The following XKR6 variants were observed in gnomAD, a reference collection of about 807,000 sequenced individuals.
XKR6 encodes the protein XK related 6.
XKR6 carries 22 observed loss-of-function variants against 56.7 expected under a neutral mutation model. That is an observed-to-expected ratio of 0.39 (90% CI 0.28 to 0.55). The LOEUF (loss-of-function observed/expected upper bound fraction) is 0.55. XKR6 is among the 20% of genes least tolerant of loss of function. The pLI, the probability that XKR6 is intolerant of heterozygous loss-of-function variation, is 0.66. For synonymous variants in XKR6, 524 were observed against 387.8 expected (o/e 1.35, Z -4.13); for missense variants, 852 against 889.0 (o/e 0.96, Z 0.53).
At chr8:10,944,824 G>A (rs867126467) in intron 1 of XKR6, among the ~76,000 whole-genome samples, 2 of 152,210 alleles carry the variant, frequency 1.3e-5, no homozygotes, top group African/African-American at 2.4e-5. Flanking sequence ...TGAAATCAGA[G>A]CTATTTTTAG....
chr8:11,151,398 C>A (rs1801262047), intron 1 of XKR6, among the ~76,000 whole-genome samples: 1 of 152,144 alleles, frequency 6.6e-6, no homozygotes, highest in Non-Finnish European at 1.5e-5. Context: ...TGTAGGACTG[C>A]AGAAAATTGA....
intron 1 of XKR6, among the ~76,000 whole-genome samples, chr8:10,947,299 G>T (rs539036915): frequency 9.8e-5 from 15 of 152,324 alleles, no homozygotes; most frequent in Admixed American, 4.6e-4. Flanking sequence ...CCGAAAAGGA[G>T]AGCAAAGGTT....
intron 1 of XKR6, among the ~76,000 whole-genome samples, chr8:11,141,605 G>C (rs1166851322): frequency 1.3e-5 from 2 of 152,210 alleles, no homozygotes; most frequent in Non-Finnish European, 1.5e-5. Flanking sequence ...TCCCAGACCA[G>C]TGCTCTTGGC....
chr8:11,018,465 G>A (rs143967739), intron 1 of XKR6, among the ~76,000 whole-genome samples: 85 of 152,324 alleles, frequency 5.6e-4, no homozygotes, highest in African/African-American at 1.9e-3. Context: ...CCACCACCGG[G>A]CCTCCAGGCT....
intron 1 of XKR6, among the ~76,000 whole-genome samples, chr8:10,970,551 T>A (rs1802377710): frequency 6.6e-6 from 1 of 152,086 alleles, no homozygotes. Flanking sequence ...CTCATTGAGA[T>A]GTCTGATCTC....
intron 1 of XKR6, among the ~76,000 whole-genome samples, chr8:11,054,782 C>G (rs753045986): frequency 6.6e-6 from 1 of 152,122 alleles, no homozygotes; most frequent in Non-Finnish European, 1.5e-5. Flanking sequence ...GGTCCGAGGG[C>G]GGGGGCTGCC....
In XKR6 at chr8:10,914,167, GC is replaced by G. The variant is rs199659731; in HGVS notation, c.961+10466del. Among the ~76,000 whole-genome samples the G allele has an allele frequency of 7.1e-3, 958 of 134,930 alleles. 30 individuals are homozygous for G. In the East Asian group the frequency reaches 0.096, roughly 14 times the overall value. 88.5% of individuals were successfully genotyped at this position (134,930 alleles called of 152,430 possible). A position where few individuals can be genotyped will look rare whatever the true frequency, so the allele number is the denominator to read the frequency against. On this transcript the variant is annotated intron_variant, in intron 2 of 2. Coordinates refer to ENST00000416569, the MANE Select transcript of XKR6 (RefSeq NM_173683.4). ...ATGAAAAAGGTGAGGCTCAGAGAGT[GC>G]CCCCCACCCAGCCCACTGCCGTAAT... is the stretch of plus-strand genomic sequence containing the variant.
At chr8:11,015,714 A>G (rs1465063482) in intron 1 of XKR6, among the ~76,000 whole-genome samples, 5 of 152,138 alleles carry the variant, frequency 3.3e-5, no homozygotes, top group Admixed American at 6.5e-5. Flanking sequence ...GAGGGAGCAG[A>G]GAAAGCCGGG....
chr8:11,102,212 C>T (rs1161801300), intron 1 of XKR6, among the ~76,000 whole-genome samples: 1 of 152,156 alleles, frequency 6.6e-6, no homozygotes, highest in Non-Finnish European at 1.5e-5. Context: ...CTGAGACCTG[C>T]CCTCCATCCC....
intron 1 of XKR6, among the ~76,000 whole-genome samples, chr8:11,178,249 C>G (rs754720253): frequency 1.1e-4 from 16 of 152,148 alleles, no homozygotes; most frequent in Non-Finnish European, 2.2e-4. Context: ...TCTGTCTACT[C>G]TAGACAATCA....
chr8:11,185,437 T>G (rs1211742705), intron 1 of XKR6, among the ~76,000 whole-genome samples: 1 of 152,220 alleles, frequency 6.6e-6, no homozygotes, highest in Non-Finnish European at 1.5e-5. Flanking sequence ...CACTTCAAAT[T>G]GCAGTTTCTA....
intron 1 of XKR6, among the ~76,000 whole-genome samples, chr8:11,083,133 G>C (rs1012711235): frequency 6.6e-6 from 1 of 152,188 alleles, no homozygotes; most frequent in African/African-American, 2.4e-5. Flanking sequence ...CCCTCTCCGA[G>C]TCTCGGCAGC....
At chr8:10,965,469 C>T (rs1257378718) in intron 1 of XKR6, among the ~76,000 whole-genome samples, 1 of 152,204 alleles carries the variant, frequency 6.6e-6, no homozygotes, top group Non-Finnish European at 1.5e-5. Flanking sequence ...GCACCTCGTG[C>T]GCAGAGAACA....
intron 1 of XKR6, chr8:11,123,850 G>A (rs776513113): frequency 4.3e-4 from 196 of 456,198 alleles, no homozygotes; most frequent in South Asian, 9.3e-4. Context: ...CCAGTGTCCC[G>A]TGGTCCCCAC....
chr8:11,060,986 G>C (rs1471226350), intron 1 of XKR6, among the ~76,000 whole-genome samples: 2 of 152,162 alleles, frequency 1.3e-5, no homozygotes, highest in East Asian at 1.9e-4. Context: ...ACATCTCCAA[G>C]GCTGGGTTTG....
intron 2 of XKR6, among the ~76,000 whole-genome samples, chr8:10,918,038 C>T (rs923039426): frequency 1.3e-5 from 2 of 152,140 alleles, no homozygotes; most frequent in African/African-American, 4.8e-5. Flanking sequence ...TAGTATCATC[C>T]CACATCCATC....
chr8:11,164,993 G>C (rs73530537), intron 1 of XKR6, among the ~76,000 whole-genome samples: 4 of 151,262 alleles, frequency 2.6e-5, no homozygotes, highest in African/African-American at 7.3e-5. Context: ...CAAAGAACCA[G>C]AGGTACCAAC....
At chr8:11,080,927 A>G (rs1797698767) in intron 1 of XKR6, among the ~76,000 whole-genome samples, 1 of 152,234 alleles carries the variant, frequency 6.6e-6, no homozygotes. Flanking sequence ...GTGGATCACA[A>G]AAGAAGATCC....
chr8:11,075,802 G>T (rs1563120313), intron 1 of XKR6, among the ~76,000 whole-genome samples: 1 of 152,084 alleles, frequency 6.6e-6, no homozygotes, highest in Admixed American at 6.5e-5. Flanking sequence ...GAACCTGGGG[G>T]GCAGAGGTTG....
Sources: gnomAD v4.1 joint callset for allele counts (sites outside exome capture counted in the v4.1 genomes callset) on GRCh38, gnomAD v4.1.1 for gene constraint, MANE v1.5 for transcripts, NCBI Gene and HGNC (gene_info 2026-07-23, HGNC 2026-07-21) for gene names.